MME: variants seen among roughly 807,000 people sequenced by gnomAD.
MME encodes membrane metalloendopeptidase, also known as neprilysin.
A neutral mutation model predicts 113.2 loss-of-function variants in MME; 98 were observed. That is an observed-to-expected ratio of 0.87 (90% CI 0.74 to 1.02). The LOEUF is 1.02. Ranked by LOEUF, MME falls within the 50% of genes least tolerant of loss-of-function variation. The pLI is 0.00. For missense variants in MME, 836 were observed against 896.0 expected (o/e 0.93, Z 0.86); for synonymous variants, 292 against 300.6 (o/e 0.97, Z 0.30).
At chr3:155,115,788 ACTT>A (rs1349517507) in intron 4 of MME, among the ~76,000 whole-genome samples, 1 of 152,136 alleles carries the variant, frequency 6.6e-6, no homozygotes, top group Non-Finnish European at 1.5e-5. Context: ...ACAGAAACCT[ACTT>A]CTGTAGTCTC....
At chr3:155,148,853 C>G (rs776823678) in intron 16 of MME, among the ~76,000 whole-genome samples, 200 bp downstream of exon 16, 32 of 152,172 alleles carry the variant, frequency 2.1e-4, no homozygotes, top group Non-Finnish European at 4.7e-4. Flanking sequence ...AAATACCTTT[C>G]TCATTAAGGT....
intron 1 of MME, among the ~76,000 whole-genome samples, chr3:155,045,693 A>G (rs1165746220): frequency 1.7e-4 from 25 of 151,388 alleles, no homozygotes; most frequent in Non-Finnish European, 3.4e-4. Flanking sequence ...TCAATGAATC[A>G]GTCTTTGGTT....
intron 8 of MME, among the ~76,000 whole-genome samples, chr3:155,128,326 A>G (rs776323545): frequency 6.6e-6 from 1 of 152,038 alleles, no homozygotes; most frequent in Non-Finnish European, 1.5e-5. Context: ...ACCACCTGCA[A>G]TCCCTCAGTT....
upstream of MME, among the ~76,000 whole-genome samples, chr3:155,077,557 AC>A (rs936400917): frequency 2.6e-5 from 4 of 152,186 alleles, no homozygotes; most frequent in African/African-American, 9.6e-5. Flanking sequence ...AACAACAACA[AC>A]AAAAACCCTA....
chr3:155,146,615 T>C (rs1166938935), intron 14 of MME, among the ~76,000 whole-genome samples: 3 of 152,042 alleles, frequency 2.0e-5, no homozygotes, highest in Non-Finnish European at 2.9e-5. Context: ...AACTAATTAA[T>C]GTCATTTATT....
At chr3:155,064,800 A>G (rs1309043312) in intron 1 of MME, among the ~76,000 whole-genome samples, 1 of 152,202 alleles carries the variant, frequency 6.6e-6, no homozygotes, top group Non-Finnish European at 1.5e-5. Flanking sequence ...TCTGAAATCA[A>G]TGTGCTGGCA....
chr3:155,111,368 G>T (rs2108242151), intron 3 of MME, among the ~76,000 whole-genome samples: 1 of 152,328 alleles, frequency 6.6e-6, no homozygotes, highest in East Asian at 1.9e-4. Flanking sequence ...ATGCATCCAT[G>T]CTCAGACAAG....
chr3:155,173,697 G>C (rs1221530831), intron 22 of MME, among the ~76,000 whole-genome samples: 1 of 151,788 alleles, frequency 6.6e-6, no homozygotes, highest in African/African-American at 2.4e-5. Context: ...ATTTAGTTCT[G>C]CTAAGATATT....
chr3:155,165,133 A>C (rs1172028791), intron 17 of MME, among the ~76,000 whole-genome samples: 1 of 151,918 alleles, frequency 6.6e-6, no homozygotes, highest in Non-Finnish European at 1.5e-5. Flanking sequence ...TTGATACTGA[A>C]GGGTTTTTTT....
chr3:155,156,121 G>T (rs1722289330), intron 16 of MME, among the ~76,000 whole-genome samples: 5 of 152,084 alleles, frequency 3.3e-5, no homozygotes, highest in Admixed American at 3.3e-4. Flanking sequence ...TTTGCCTTTG[G>T]GTAAAAAGTT....
At chr3:155,076,747 G>C (rs1714761860), upstream of MME, among the ~76,000 whole-genome samples, 1 of 152,158 alleles carries the variant, frequency 6.6e-6, no homozygotes, top group Admixed American at 6.5e-5. Context: ...GAGTTTTCAG[G>C]GAAAGGGGCA....
intron 17 of MME, among the ~76,000 whole-genome samples, chr3:155,162,523 T>C (rs1433291911): frequency 1.3e-5 from 2 of 152,084 alleles, no homozygotes; most frequent in Non-Finnish European, 2.9e-5. Flanking sequence ...ATCCTTAAAA[T>C]AAGGATCCAA....
intron 1 of MME, among the ~76,000 whole-genome samples, chr3:155,033,339 T>TGACGTTAGAATAGACAATATTGCC (rs1218234021): frequency 1.3e-5 from 2 of 152,214 alleles, no homozygotes; most frequent in African/African-American, 4.8e-5. Flanking sequence ...AATATATTGC[T>TGACGTTAGAATAGACAATATTGCC]GACGTTAGAA....
rs981739613 is a variant in MME at position 155,182,235 on chromosome 3, T to G, written c.*1776T>G. On this transcript the variant is annotated 3_prime_UTR_variant, in exon 23 of 23. Coordinates refer to ENST00000360490, the MANE Select transcript of MME (RefSeq NM_007289.4). ...ACATTTGTGAGATTCCTCTGTATTG[T>G]GCTGATTGTGGATCTTTTCATTCTC... The G allele has an allele frequency of 2.0e-5, 3 of 152,244 alleles. No homozygotes were observed. The highest frequency in any genetic ancestry group is 7.2e-5 in the African/African-American group (3 of 41,476). 9.4% of individuals were successfully genotyped at this position (152,244 alleles called of 1,614,324 possible).
intron 22 of MME, 84 bp downstream of exon 22, chr3:155,172,696 G>A: frequency 3.1e-6 from 3 of 972,842 alleles, no homozygotes; most frequent in East Asian, 5.1e-5. Context: ...TTCTAACTCT[G>A]ATTCTTTTAC....
chr3:155,072,282 C>T (rs1714599972), intron 1 of MME, among the ~76,000 whole-genome samples: 1 of 151,374 alleles, frequency 6.6e-6, no homozygotes, highest in Admixed American at 6.6e-5. Flanking sequence ...GGCATTATAA[C>T]GGACACTCCG....
chr3:155,116,544 T>G lies in MME; in HGVS notation c.424T>G (p.Ser142Ala), dbSNP rs763138062. 2.5e-6 allele frequency: 4 copies of G among 1,609,946 alleles called. No individual in the cohort carries two copies. In the South Asian group the frequency reaches 3.3e-5, roughly 13 times the overall value. ...GCAGAAAGCAAAAGCATTGTACAGG[T>G]CTTGTATAAATGAATGTAAGTGCTC... Reference protein sequence around the residue: ...AVQKAKALYRSCINESAIDSR... With the variant: ...AVQKAKALYRACINESAIDSR... Residue 142 changes from serine to alanine, a missense_variant, in exon 5 of 23, where the codon TCT becomes GCT. By Grantham distance (99) the Ser-to-Ala change is moderately conservative (BLOSUM62 1). Coordinates refer to ENST00000360490, the MANE Select transcript of MME (RefSeq NM_007289.4).
At chr3:155,142,357 A>C (rs1721176563) in intron 12 of MME, 27 bp downstream of exon 12, 1 of 1,558,188 alleles carries the variant, frequency 6.4e-7, no homozygotes, top group Non-Finnish European at 8.9e-7. Flanking sequence ...TCTTTTCTTA[A>C]GACTTAAAGC....
rs111489235 is a variant in MME at position 155,158,123 on chromosome 3, G to C, written c.1602-2267G>C. 2.8e-4 allele frequency among the ~76,000 whole-genome samples: 43 copies of C among 152,154 alleles called. 1 individual carries two copies. Among genetic ancestry groups the C allele is most frequent in the African/African-American group, 9.6e-4 (40 of 41,536 alleles). Reference sequence around the variant, plus strand: ...CTGAAACATTAATTTCATATATCCTGTTCCTCTCCTCTGTAATCACAGTTT... The same window carrying C: ...CTGAAACATTAATTTCATATATCCTCTTCCTCTCCTCTGTAATCACAGTTT... On this transcript the variant is annotated intron_variant, in intron 16 of 22. Transcript: ENST00000360490.
Sources: gnomAD v4.1 joint callset for allele counts (sites outside exome capture counted in the v4.1 genomes callset) on GRCh38, gnomAD v4.1.1 for gene constraint, MANE v1.5 for transcripts, NCBI Gene and HGNC (gene_info 2026-07-23, HGNC 2026-07-21) for gene names.